Variants in ADAMTS6 observed in about 807,000 individuals in gnomAD.
ADAMTS6 encodes A disintegrin and metalloproteinase with thrombospondin motifs 6.
ADAMTS6 carries 23 observed loss-of-function variants against 144.3 expected under a neutral mutation model. The observed-to-expected ratio is 0.16, with a 90% CI of 0.11 to 0.23. The LOEUF is 0.23. Ranked by LOEUF, ADAMTS6 falls within the 10% of genes least tolerant of loss-of-function variation. The probability of loss-of-function intolerance (pLI) is 1.00; values close to 1 mark genes in which losing one functional copy is unlikely to be tolerated. For missense variants in ADAMTS6, 999 were observed against 1,379.6 expected, an observed-to-expected ratio of 0.72 and a Z score of 4.37; for synonymous variants, 444 against 457.5, an observed-to-expected ratio of 0.97 and a Z score of 0.38.
chr5:65,426,975 A>G (rs1756585482), intron 7 of ADAMTS6, among the ~76,000 whole-genome samples: 1 of 152,208 alleles, frequency 6.6e-6, no homozygotes, highest in Non-Finnish European at 1.5e-5. Flanking sequence ...AAACAGAAAC[A>G]GAACAAACTT....
intron 7 of ADAMTS6, among the ~76,000 whole-genome samples, chr5:65,372,956 C>T (rs2150123016): frequency 6.6e-6 from 1 of 152,312 alleles, no homozygotes; most frequent in Admixed American, 6.5e-5. Flanking sequence ...AAGAATCTCA[C>T]TCAAAACCAC....
intron 9 of ADAMTS6, among the ~76,000 whole-genome samples, chr5:65,302,643 A>C (rs1351616645): frequency 6.6e-6 from 1 of 152,026 alleles, no homozygotes; most frequent in East Asian, 1.9e-4. Context: ...GTGTCAAATC[A>C]AACATATATT....
At chr5:65,382,579 G>A (rs1752133790) in intron 7 of ADAMTS6, among the ~76,000 whole-genome samples, 1 of 152,200 alleles carries the variant, frequency 6.6e-6, no homozygotes, top group African/African-American at 2.4e-5. Context: ...ACAAAACACA[G>A]TGCCTTTCTA....
intron 7 of ADAMTS6, among the ~76,000 whole-genome samples, chr5:65,438,685 T>TTC (rs1367432055): frequency 1.3e-5 from 2 of 152,222 alleles, no homozygotes; most frequent in African/African-American, 2.4e-5. Flanking sequence ...GTTGGCCATC[T>TTC]TCTCCCTTGG....
chr5:65,154,319 C>T (rs1465680985), intron 24 of ADAMTS6, among the ~76,000 whole-genome samples: 5 of 152,232 alleles, frequency 3.3e-5, no homozygotes, highest in Non-Finnish European at 7.3e-5. Flanking sequence ...CAGAACACAG[C>T]CTTTTGTTCA....
intron 15 of ADAMTS6, among the ~76,000 whole-genome samples, chr5:65,231,245 C>A (rs1321968443): frequency 6.6e-6 from 1 of 151,798 alleles, no homozygotes; most frequent in African/African-American, 2.4e-5. Context: ...ATACTTATAT[C>A]AGACAAAATA....
intron 10 of ADAMTS6, among the ~76,000 whole-genome samples, chr5:65,298,711 C>T (rs2112792452): frequency 1.3e-5 from 2 of 152,152 alleles, no homozygotes; most frequent in South Asian, 4.1e-4. Context: ...AGAAGAACTA[C>T]CTTCTGAAAT....
chr5:65,312,210 T>C (rs1272278194), intron 9 of ADAMTS6, among the ~76,000 whole-genome samples: 1 of 152,094 alleles, frequency 6.6e-6, no homozygotes, highest in South Asian at 2.1e-4. Flanking sequence ...GAGACAATGA[T>C]AGTCTAAACT....
chr5:65,473,601 G>A lies in ADAMTS6; in HGVS notation c.73C>T (p.His25Tyr), dbSNP rs1760633045. The change falls in exon 2 of 25, where the codon CAC becomes TAC. Residue 25 changes from histidine (H) to tyrosine (Y), a missense_variant. Physicochemically the swap from His to Tyr is moderately conservative, Grantham distance 83 (BLOSUM62 2). Transcript: ENST00000381055. Reference protein sequence around the residue: ...IMASSEFHSDHRLSYSSQEEF... With the variant: ...IMASSEFHSDYRLSYSSQEEF... ...CCTTGAGAACTGTATGAAAGCCTGT[G>A]GTCACTATGAAATTCCGATGAAGCC... 3 of 1,613,416 alleles carry A rather than the reference G, an allele frequency of 1.9e-6. No homozygotes were observed. The highest frequency in any genetic ancestry group is 1.7e-5 in the Admixed American group (1 of 59,988).
chr5:65,214,863 C>T lies in ADAMTS6; in HGVS notation c.2506G>A (p.Gly836Arg), dbSNP rs1411654219. Residue 836 changes from glycine to arginine, a missense_variant, in exon 20 of 25, where the codon GGA (glycine) becomes AGA (arginine). Physicochemically the swap from Gly to Arg is moderately radical, Grantham distance 125 (BLOSUM62 -2). Transcript: ENST00000381055. The surrounding 1 kb of genome is among the most constrained non-coding windows in gnomAD (Gnocchi z 4.6). ...CATGTAAAGCCAACTTCATTATCTCCACTGCCAGTTCGAGTGATGGGAACA... is the reference window on the plus strand; with the variant it reads ...CATGTAAAGCCAACTTCATTATCTCTACTGCCAGTTCGAGTGATGGGAACA... Reference protein sequence around the residue: ...FNVPITRTGSGDNEVGFTWNH... With the variant: ...FNVPITRTGSRDNEVGFTWNH... 3 of 1,614,026 alleles carry T rather than the reference C, an allele frequency of 1.9e-6. No individual in the cohort carries two copies. The highest frequency in any genetic ancestry group is 2.5e-6 in the Non-Finnish European group (3 of 1,180,028).
At chr5:65,164,690 G>C (rs1188484751) in intron 24 of ADAMTS6, among the ~76,000 whole-genome samples, 2 of 147,522 alleles carry the variant, frequency 1.4e-5, no homozygotes, top group Non-Finnish European at 3.0e-5. Flanking sequence ...ATCTGAGAAC[G>C]GGCAGACTGC....
intron 3 of ADAMTS6, among the ~76,000 whole-genome samples, chr5:65,461,282 G>A (rs1315290641): frequency 6.6e-6 from 1 of 152,090 alleles, no homozygotes; most frequent in Non-Finnish European, 1.5e-5. Context: ...ATCTCAAGTC[G>A]TGAAGTCTTA....
intron 9 of ADAMTS6, among the ~76,000 whole-genome samples, chr5:65,303,474 A>C (rs186349921): frequency 6.6e-6 from 1 of 152,060 alleles, no homozygotes; most frequent in African/African-American, 2.4e-5. Flanking sequence ...AATTTGTAAT[A>C]TGTATATATT....
chr5:65,210,603 C>T (rs1197116532), intron 20 of ADAMTS6: 3 of 605,792 alleles, frequency 5.0e-6, no homozygotes, highest in Non-Finnish European at 5.8e-6. Context: ...AAGTTTTTGG[C>T]ACCCCAAAGG....
chr5:65,406,965 C>T (rs549348074), intron 7 of ADAMTS6, among the ~76,000 whole-genome samples: 29 of 152,062 alleles, frequency 1.9e-4, no homozygotes, highest in Non-Finnish European at 3.8e-4. Context: ...GACAAAGCCT[C>T]CAAGAAATAT....
intron 22 of ADAMTS6, among the ~76,000 whole-genome samples, chr5:65,175,438 T>A (rs1447508615): frequency 6.6e-6 from 1 of 151,150 alleles, no homozygotes; most frequent in Non-Finnish European, 1.5e-5. Context: ...AAAGCCAAGG[T>A]AAATTTAAAA....
chr5:65,308,375 C>A (rs1482946475), intron 9 of ADAMTS6, among the ~76,000 whole-genome samples: 2 of 152,108 alleles, frequency 1.3e-5, no homozygotes, highest in African/African-American at 2.4e-5. Flanking sequence ...AAAAATGATG[C>A]AATTATGTTT....
intron 7 of ADAMTS6, among the ~76,000 whole-genome samples, chr5:65,341,233 A>G (rs2041201655): frequency 6.6e-6 from 1 of 152,062 alleles, no homozygotes; most frequent in Non-Finnish European, 1.5e-5. Flanking sequence ...GCTTATAGCA[A>G]TAAATGCATA....
intron 24 of ADAMTS6, among the ~76,000 whole-genome samples, chr5:65,152,389 G>A (rs907168460): frequency 1.3e-5 from 2 of 152,136 alleles, no homozygotes; most frequent in African/African-American, 2.4e-5. Context: ...CAAAGTACAC[G>A]TCTCCAGAGA....
Sources: gnomAD v4.1 joint callset for allele counts (sites outside exome capture counted in the v4.1 genomes callset) on GRCh38, gnomAD v4.1.1 for gene constraint, Gnocchi (gnomAD v3.1) non-coding constraint, MANE v1.5 for transcripts, NCBI Gene and HGNC (gene_info 2026-07-23, HGNC 2026-07-21) for gene names.